Variants in CXCL13 observed in about 807,000 individuals in gnomAD.
CXCL13 encodes C-X-C motif chemokine 13.
CXCL13 carries 7 observed loss-of-function variants against 12.2 expected under a neutral mutation model. The ratio of observed to expected loss-of-function variants is 0.57; its 90% confidence interval spans 0.33 to 1.07. The LOEUF (loss-of-function observed/expected upper bound fraction) is 1.07. Among genes scored for constraint, CXCL13 ranks in the 50% least tolerant of loss-of-function variants. CXCL13 has a pLI of 0.04. For synonymous variants in CXCL13, 47 were observed against 42.4 expected (o/e 1.11, Z -0.42); for missense variants, 113 against 127.4 (o/e 0.89, Z 0.55).
chr4:77,544,814 C>A (rs953993906), intron 1 of CXCL13, among the ~76,000 whole-genome samples: 2 of 152,246 alleles, frequency 1.3e-5, no homozygotes, highest in South Asian at 4.2e-4. Context: ...GTCATGAAGT[C>A]CTTGTCCATG....
chr4:77,520,112 C>T (rs1469745581), intron 1 of CXCL13, among the ~76,000 whole-genome samples: 5 of 152,202 alleles, frequency 3.3e-5, no homozygotes, highest in African/African-American at 4.8e-5. Flanking sequence ...GTTTTGGATA[C>T]TGTAGCCTTG....
At chr4:77,512,539 G>A (rs897214175) in intron 1 of CXCL13, among the ~76,000 whole-genome samples, 8 of 151,994 alleles carry the variant, frequency 5.3e-5, no homozygotes, top group Non-Finnish European at 4.4e-5. Context: ...CTTCTCCCTT[G>A]CTCTTCATAG....
chr4:77,587,758 C>T (rs1036358668), intron 1 of CXCL13, among the ~76,000 whole-genome samples: 5 of 152,236 alleles, frequency 3.3e-5, no homozygotes, highest in African/African-American at 1.2e-4. Flanking sequence ...GTCAGTCTGT[C>T]TTTTCAGTTC....
intron 1 of CXCL13, among the ~76,000 whole-genome samples, chr4:77,566,069 T>C (rs1324868714): frequency 6.6e-6 from 1 of 152,202 alleles, no homozygotes; most frequent in Non-Finnish European, 1.5e-5. Flanking sequence ...CATAGACTAA[T>C]GATTCAGATG....
At chr4:77,590,602 C>A (rs1867106) in intron 1 of CXCL13, among the ~76,000 whole-genome samples, 2,860 of 152,300 alleles carry the variant, frequency 0.019, 106 homozygotes, top group African/African-American at 0.065. Context: ...CCTTCTTTTT[C>A]TGCTCCTGTA....
intron 1 of CXCL13, among the ~76,000 whole-genome samples, chr4:77,536,064 C>A (rs912977855): frequency 3.9e-5 from 6 of 152,164 alleles, no homozygotes; most frequent in Non-Finnish European, 7.3e-5. Context: ...CAATCTTCTG[C>A]TGGTGCTCCC....
At chr4:77,610,961 A>G in intron 3 of CXCL13, 27 bp from the exon 4 acceptor site, 1 of 1,598,068 alleles carries the variant, frequency 6.3e-7, no homozygotes, top group Non-Finnish European at 8.5e-7. Context: ...TAAACATGAC[A>G]ATTTTGTTTT....
chr4:77,568,943 G>A (rs1726002022), intron 1 of CXCL13, among the ~76,000 whole-genome samples: 2 of 152,148 alleles, frequency 1.3e-5, no homozygotes. Flanking sequence ...ATTTGCAGGG[G>A]AAAATAGCTG....
rs539135485 is a variant in CXCL13 at position 77,570,806 on chromosome 4, G to A, written c.-42-35018G>A. Among the ~76,000 whole-genome samples, 437 of 149,786 alleles carry A rather than the reference G, an allele frequency of 2.9e-3. 6 individuals carry two copies. The highest frequency in any genetic ancestry group is 0.011 in the African/African-American group (414 of 39,180). Reference sequence around the variant, plus strand: ...CTGGGCAGTGAGGGGCTTAGCACCCGGGCCAGCAGCTGCAGAGGGTGTACT... The same window carrying A: ...CTGGGCAGTGAGGGGCTTAGCACCCAGGCCAGCAGCTGCAGAGGGTGTACT... On this transcript the variant is annotated intron_variant, in intron 1 of 4. Transcript: ENST00000286758.
intron 1 of CXCL13, among the ~76,000 whole-genome samples, chr4:77,607,315 T>C (rs755587444): frequency 6.6e-6 from 1 of 152,192 alleles, no homozygotes; most frequent in Non-Finnish European, 1.5e-5. Context: ...ATTGCTGTGT[T>C]TTTTTGAAAG....
At chr4:77,541,004 G>A (rs1008756220) in intron 1 of CXCL13, among the ~76,000 whole-genome samples, 6 of 152,072 alleles carry the variant, frequency 3.9e-5, no homozygotes, top group African/African-American at 1.4e-4. Context: ...CTCTGATGAT[G>A]TGATGTTGAA....
chr4:77,518,620 T>C (rs1394454883), intron 1 of CXCL13, among the ~76,000 whole-genome samples: 2 of 152,222 alleles, frequency 1.3e-5, no homozygotes, highest in African/African-American at 4.8e-5. Flanking sequence ...TTCACGTCGT[T>C]CTCGAGCCTT....
intron 1 of CXCL13, among the ~76,000 whole-genome samples, chr4:77,548,791 G>A (rs1725437007): frequency 6.6e-6 from 1 of 152,076 alleles, no homozygotes; most frequent in South Asian, 2.1e-4. Flanking sequence ...TTCAACCTTG[G>A]TGAATCTGAC....
intron 1 of CXCL13, among the ~76,000 whole-genome samples, chr4:77,514,503 T>A (rs1724364459): frequency 6.8e-6 from 1 of 146,720 alleles, no homozygotes; most frequent in Non-Finnish European, 1.5e-5. Context: ...CCATTCTAAC[T>A]GGTGTGAGAT....
At chr4:77,557,216 A>G (rs1334389696) in intron 1 of CXCL13, among the ~76,000 whole-genome samples, 2 of 152,172 alleles carry the variant, frequency 1.3e-5, no homozygotes, top group Non-Finnish European at 2.9e-5. Flanking sequence ...TGTATTAATA[A>G]CAGGGCCACA....
intron 1 of CXCL13, among the ~76,000 whole-genome samples, chr4:77,552,072 A>G (rs1725538282): frequency 6.6e-6 from 1 of 152,060 alleles, no homozygotes; most frequent in Non-Finnish European, 1.5e-5. Flanking sequence ...TGAATTATTT[A>G]TCTGTCATTT....
chr4:77,581,025 A>C (rs979553434), intron 1 of CXCL13, among the ~76,000 whole-genome samples: 2 of 151,982 alleles, frequency 1.3e-5, no homozygotes, highest in Admixed American at 6.6e-5. Context: ...ACACAATTTC[A>C]TTCAAATAAA....
At chr4:77,521,768 G>T (rs956728572) in intron 1 of CXCL13, among the ~76,000 whole-genome samples, 1 of 151,762 alleles carries the variant, frequency 6.6e-6, no homozygotes, top group Non-Finnish European at 1.5e-5. Context: ...GAATTTGTTT[G>T]CTCTTGCTTC....
At chr4:77,568,573 C>G (rs1725991422) in intron 1 of CXCL13, among the ~76,000 whole-genome samples, 1 of 152,062 alleles carries the variant, frequency 6.6e-6, no homozygotes, top group Non-Finnish European at 1.5e-5. Context: ...TTCTATTGAC[C>G]CTAGGATGCG....
Sources: allele counts gnomAD v4.1 joint callset (sites outside exome capture counted in the v4.1 genomes callset), GRCh38; gene constraint gnomAD v4.1.1; transcripts MANE v1.5; gene names NCBI Gene and HGNC (gene_info 2026-07-23, HGNC 2026-07-21).